The following LEPR variants were observed in gnomAD, a reference collection of about 807,000 sequenced individuals.
LEPR encodes the protein OB receptor.
In LEPR, 56 loss-of-function variants were observed where a neutral mutation model predicts 114.7. That is an observed-to-expected ratio of 0.49 (90% CI 0.39 to 0.61). The LOEUF (loss-of-function observed/expected upper bound fraction) is 0.61. Among genes scored for constraint, LEPR ranks in the 20% least tolerant of loss-of-function variants. LEPR has a pLI of 0.00. For missense variants in LEPR, 1,202 were observed against 1,352.9 expected, an observed-to-expected ratio of 0.89 and a Z score of 1.75; for synonymous variants, 443 against 461.4, an observed-to-expected ratio of 0.96 and a Z score of 0.51.
intron 3 of LEPR, among the ~76,000 whole-genome samples, chr1:65,566,169 T>C (rs1339775243): frequency 4.6e-5 from 7 of 151,990 alleles, no homozygotes; most frequent in Admixed American, 6.6e-5. Context: ...TGTGTCTTTG[T>C]ATATTTGGAA....
At chr1:65,520,679 A>ACG (rs397860469) in intron 2 of LEPR, among the ~76,000 whole-genome samples, 1 of 151,948 alleles carries the variant, frequency 6.6e-6, no homozygotes, top group Non-Finnish European at 1.5e-5. Flanking sequence ...CAGGGGTCTC[A>ACG]GCCTTCAGAG....
intron 2 of LEPR, among the ~76,000 whole-genome samples, chr1:65,464,111 A>G (rs1364275535): frequency 6.6e-6 from 1 of 152,174 alleles, no homozygotes; most frequent in Admixed American, 6.5e-5. Flanking sequence ...CTGGTTTTCA[A>G]AGGGAATGCT....
In LEPR at chr1:65,571,791, CAAAAAAAAAAAAAAAAA is replaced by C. The variant is rs34139057; in HGVS notation, c.371-522_371-506del. Among the ~76,000 whole-genome samples, 4 of 73,692 alleles carry C rather than the reference CAAAAAAAAAAAAAAAAA, an allele frequency of 5.4e-5. No individual in the cohort carries two copies. The South Asian group carries it at 1.7e-3, about 31-fold the overall frequency. The allele number at this position is 73,692 out of a possible 152,430, so 48.3% of individuals were successfully genotyped here. A position where few individuals can be genotyped will look rare whatever the true frequency, so the allele number is the denominator to read the frequency against. ...CAACATAATGAAACCCCATCTCTAC[CAAAAAAAAAAAAAAAAA>C]AAAAAAAAAAAATTAACTGGGCATG... On this transcript the variant is annotated intron_variant, in intron 4 of 19. Transcript: ENST00000349533.
chr1:65,546,996 A>C (rs185912193), intron 2 of LEPR, among the ~76,000 whole-genome samples: 25 of 152,280 alleles, frequency 1.6e-4, no homozygotes, highest in East Asian at 5.8e-4. Flanking sequence ...TACCTAATTT[A>C]TTGAGAGTTT....
At position 65,639,350 on chromosome 1, in the gene LEPR, G is replaced by T. The variant is rs1331496346; in HGVS notation, c.*2335G>T. On this transcript the variant is annotated 3_prime_UTR_variant, in exon 20 of 20. Coordinates refer to ENST00000349533, the MANE Select transcript of LEPR (RefSeq NM_002303.6). ...AAGGCACTATTTCATGGACAGTGCT[G>T]AACAAGTATAGTTTGGCCTATTGGT... The T allele has an allele frequency of 6.6e-6, 1 of 152,184 alleles. No homozygotes were observed. Among genetic ancestry groups the T allele is most frequent in the Non-Finnish European group, 1.5e-5 (1 of 68,024 alleles). 9.4% of individuals were successfully genotyped at this position (152,184 alleles called of 1,614,324 possible). A position where few individuals can be genotyped will look rare whatever the true frequency, so the allele number is the denominator to read the frequency against.
chr1:65,617,856 C>T, intron 15 of LEPR, 108 bp from the exon 16 acceptor site: 1 of 1,097,738 alleles, frequency 9.1e-7, no homozygotes, highest in East Asian at 2.7e-5. Context: ...TGTAAATTGT[C>T]TGTCTTCTCT....
chr1:65,488,783 C>G (rs1411826269), intron 2 of LEPR, among the ~76,000 whole-genome samples: 1 of 151,898 alleles, frequency 6.6e-6, no homozygotes, highest in African/African-American at 2.4e-5. Flanking sequence ...TCCTTCCCAG[C>G]CTCTGCTAAT....
chr1:65,565,036 AG>A (rs369561861), intron 2 of LEPR, among the ~76,000 whole-genome samples: 1 of 152,212 alleles, frequency 6.6e-6, no homozygotes, highest in African/African-American at 2.4e-5. Flanking sequence ...AGGTTTCCAA[AG>A]GTCTACTGGT....
intron 2 of LEPR, among the ~76,000 whole-genome samples, chr1:65,556,397 T>C (rs1652816516): frequency 6.6e-6 from 1 of 152,128 alleles, no homozygotes; most frequent in Non-Finnish European, 1.5e-5. Context: ...TGTGACTGGC[T>C]CAGTTCATGC....
chr1:65,564,441 C>T (rs371195978), intron 2 of LEPR, among the ~76,000 whole-genome samples: 10 of 141,976 alleles, frequency 7.0e-5, no homozygotes, highest in African/African-American at 1.6e-4. Flanking sequence ...CACTGGCCTG[C>T]GCCCACTGTC....
intron 2 of LEPR, among the ~76,000 whole-genome samples, chr1:65,483,003 A>C (rs1647295984): frequency 6.6e-6 from 1 of 151,760 alleles, no homozygotes; most frequent in Non-Finnish European, 1.5e-5. Context: ...AAAAAAAAAA[A>C]AGTAAATGTG....
intron 2 of LEPR, among the ~76,000 whole-genome samples, chr1:65,525,141 C>T (rs1267135312): frequency 1.3e-5 from 2 of 152,198 alleles, no homozygotes; most frequent in African/African-American, 4.8e-5. Context: ...CGGAAGCATC[C>T]CTGGTATCAG....
intron 18 of LEPR, 117 bp from the exon 19 acceptor site, chr1:65,622,789 C>G: frequency 9.9e-7 from 1 of 1,007,386 alleles, no homozygotes; most frequent in Admixed American, 2.1e-5. Context: ...TGCATCTGAC[C>G]CTACGGAGGC....
At chr1:65,501,251 T>G (rs1648434567) in intron 2 of LEPR, among the ~76,000 whole-genome samples, 1 of 151,914 alleles carries the variant, frequency 6.6e-6, no homozygotes, top group Non-Finnish European at 1.5e-5. Context: ...AGGCTAGAAG[T>G]TCAAAATCAA....
At chr1:65,558,532 TTTTTTG>T (rs1653021012) in intron 2 of LEPR, among the ~76,000 whole-genome samples, 4 of 47,794 alleles carry the variant, frequency 8.4e-5, no homozygotes, top group Admixed American at 2.3e-4. Flanking sequence ...AGAAGTTTTT[TTTTTTG>T]TTTTTTTTTT....
intron 2 of LEPR, among the ~76,000 whole-genome samples, chr1:65,564,944 C>T (rs766914880): frequency 6.6e-6 from 1 of 152,156 alleles, no homozygotes. Flanking sequence ...TCTCTGAAGT[C>T]GGACTTCATG....
intron 2 of LEPR, among the ~76,000 whole-genome samples, chr1:65,467,368 G>A (rs1178161382): frequency 6.6e-6 from 1 of 152,184 alleles, no homozygotes; most frequent in African/African-American, 2.4e-5. Context: ...GGAGGCTGCA[G>A]AACAGCAAAT....
chr1:65,557,433 T>G (rs993397773), intron 2 of LEPR, among the ~76,000 whole-genome samples: 4 of 152,178 alleles, frequency 2.6e-5, no homozygotes, highest in African/African-American at 9.7e-5. Flanking sequence ...TTTCTGTCTT[T>G]TATTTAGACA....
At chr1:65,454,518 A>G (rs933483540) in intron 2 of LEPR, among the ~76,000 whole-genome samples, 1 of 152,058 alleles carries the variant, frequency 6.6e-6, no homozygotes, top group Non-Finnish European at 1.5e-5. Flanking sequence ...TCTGTAAAGT[A>G]TTTTATTTCC....
Sources: allele counts gnomAD v4.1 joint callset (sites outside exome capture counted in the v4.1 genomes callset), GRCh38; gene constraint gnomAD v4.1.1; transcripts MANE v1.5; gene names NCBI Gene and HGNC (gene_info 2026-07-23, HGNC 2026-07-21).